Variants in PCCB observed in about 807,000 individuals in gnomAD.
The protein encoded by PCCB is propionyl-CoA carboxylase beta chain, mitochondrial.
In PCCB, 43 loss-of-function variants were observed where a neutral mutation model predicts 60.7. That is an observed-to-expected ratio of 0.71 (90% CI 0.55 to 0.91). The LOEUF (loss-of-function observed/expected upper bound fraction) is 0.91, where lower values mean the gene tolerates loss of function less well. Among genes scored for constraint, PCCB ranks in the 40% least tolerant of loss-of-function variants. The pLI is 0.00. For synonymous variants in PCCB, 276 were observed against 255.9 expected (o/e 1.08, Z -0.75); for missense variants, 766 against 702.8 (o/e 1.09, Z -1.02).
At chr3:136,270,840 G>A (rs931518307) in intron 5 of PCCB, among the ~76,000 whole-genome samples, 10 of 152,106 alleles carry the variant, frequency 6.6e-5, no homozygotes, top group Non-Finnish European at 1.5e-4. Flanking sequence ...CGTTTTTGTA[G>A]GAGTAAGGTG....
At chr3:136,298,666 C>G (rs1373889758) in intron 8 of PCCB, among the ~76,000 whole-genome samples, 1 of 152,164 alleles carries the variant, frequency 6.6e-6, no homozygotes, top group African/African-American at 2.4e-5. Flanking sequence ...GAAGACCTTT[C>G]CTTTTGCTGT....
At chr3:136,301,528 G>A (rs1038054153) in intron 9 of PCCB, among the ~76,000 whole-genome samples, 2 of 152,120 alleles carry the variant, frequency 1.3e-5, no homozygotes. Context: ...AGGTTGGACT[G>A]TGTGTGTGGA....
rs1329140498 is a variant in PCCB at position 136,304,702 on chromosome 3, C to CT, written c.966+3599dup. On this transcript the variant is annotated intron_variant, in intron 9 of 14. Coordinates refer to ENST00000251654, the MANE Select transcript of PCCB (RefSeq NM_000532.5). ...GCCCGGCTGGCTTTCCAATTCTTTT[C>CT]TTTTTTTTGAGATGGAGTCTCACTC... Among the ~76,000 whole-genome samples the CT allele has an allele frequency of 4.1e-5, 4 of 97,690 alleles. 1 individual carries two copies. Among genetic ancestry groups the CT allele is most frequent in the Non-Finnish European group, 9.0e-5 (4 of 44,582 alleles). The allele number at this position is 97,690 out of a possible 152,430, so 64.1% of individuals were successfully genotyped here.
At chr3:136,322,866 A>G (rs1454031737) in intron 10 of PCCB, among the ~76,000 whole-genome samples, 1 of 152,172 alleles carries the variant, frequency 6.6e-6, no homozygotes, top group African/African-American at 2.4e-5. Context: ...ACAGTTTGCC[A>G]GATATAGAAT....
At chr3:136,252,303 G>C (rs1433460121) in intron 1 of PCCB, 1 of 455,104 alleles carries the variant, frequency 2.2e-6, no homozygotes, top group Non-Finnish European at 4.4e-6. Context: ...TGTTGCCCAG[G>C]CTAGAGTGCA....
Position 136,298,022 on chromosome 3 carries a change from G to GCC in PCCB, c.837_838dup (p.Leu280ProfsTer2), listed in dbSNP as rs769968548. On this transcript the variant is annotated frameshift_variant, in exon 8 of 15. Transcript: ENST00000251654. LOFTEE classifies it high-confidence loss of function. Reference sequence around the variant, plus strand: ...ATCTCCGGGATTTCTTCAACTACCTGCCCCTGAGCAGTCAGGACCCGGCTC... The same window carrying GCC: ...ATCTCCGGGATTTCTTCAACTACCTGCCCCCCTGAGCAGTCAGGACCCGGCTC... 6.2e-7 allele frequency: 1 copy of GCC among 1,614,088 alleles called. No homozygotes were observed. Among genetic ancestry groups the GCC allele is most frequent in the East Asian group, 2.2e-5 (1 of 44,878 alleles).
At chr3:136,265,107 T>C (rs1419800473) in intron 5 of PCCB, among the ~76,000 whole-genome samples, 1 of 152,090 alleles carries the variant, frequency 6.6e-6, no homozygotes, top group Non-Finnish European at 1.5e-5. Flanking sequence ...GGCAGGGAAT[T>C]GCTCGAACCT....
In PCCB at chr3:136,285,046, C is replaced by G. The variant is rs554267777; in HGVS notation, c.654+1099C>G. On this transcript the variant is annotated intron_variant, in intron 6 of 14. Coordinates refer to ENST00000251654, the MANE Select transcript of PCCB (RefSeq NM_000532.5). ...AAGGCAGCAGTGAGCCAAGATCGTG[C>G]CACTGCACTCTAGCTCTGGGTGACA... 6.7e-5 allele frequency among the ~76,000 whole-genome samples: 10 copies of G among 148,718 alleles called. No homozygotes were observed. The South Asian group carries it at 2.1e-3, about 32-fold the overall frequency.
intron 9 of PCCB, among the ~76,000 whole-genome samples, chr3:136,309,057 G>A (rs572567444): frequency 6.6e-6 from 1 of 152,140 alleles, no homozygotes; most frequent in South Asian, 2.1e-4. Flanking sequence ...GAGCTCAGGA[G>A]TTTGAGACCA....
intron 5 of PCCB, among the ~76,000 whole-genome samples, chr3:136,269,404 T>C (rs1942125969): frequency 6.6e-6 from 1 of 152,250 alleles, no homozygotes; most frequent in Admixed American, 6.5e-5. Context: ...TGAGGTTGTG[T>C]ATTAGCTTGA....
rs770279302 is a variant in PCCB, at chr3:136,327,209, C to T, written c.1253C>T (p.Ala418Val). The T allele has an allele frequency of 1.2e-6, 2 of 1,614,172 alleles. No individual in the cohort carries two copies. The highest frequency in any genetic ancestry group is 1.7e-6 in the Non-Finnish European group (2 of 1,180,024). Residue 418 changes from alanine to valine, a missense_variant, in exon 12 of 15, where the codon GCA becomes GTA. Physicochemically the swap from Ala to Val is moderately conservative, Grantham distance 64. Coordinates refer to ENST00000251654, the MANE Select transcript of PCCB (RefSeq NM_000532.5). ...CGGCATGGTGCCAAGCTTCTCTACG[C>T]ATTTGCTGAGGCAACTGTACCCAAA... is the stretch of plus-strand genomic sequence containing the variant. ...IIRHGAKLLY[A>V]FAEATVPKVT... is the part of the protein sequence containing the mutation.
chr3:136,292,233 CTAGTT>C lies in PCCB; in HGVS notation c.655-1521_655-1517del, dbSNP rs1933726305. On this transcript the variant is annotated intron_variant, in intron 6 of 14. Transcript: ENST00000251654. ...ACTAGAAACCTGAAATTTTGTGTCT[CTAGTT>C]TTTTTTTTTTTTAACAGTTTCAAAT... Among the ~76,000 whole-genome samples the C allele has an allele frequency of 8.6e-5, 12 of 140,040 alleles. No homozygotes were observed. The South Asian group carries it at 2.8e-3, about 32-fold the overall frequency. 91.9% of individuals were successfully genotyped at this position (140,040 alleles called of 152,430 possible). A position where few individuals can be genotyped will look rare whatever the true frequency, so the allele number is the denominator to read the frequency against.
chr3:136,259,171 A>G, intron 3 of PCCB: 1 of 1,463,992 alleles, frequency 6.8e-7, no homozygotes, highest in Non-Finnish European at 9.0e-7. Flanking sequence ...TTCTTTTTAA[A>G]ACAGCAAATA....
In PCCB at chr3:136,299,875, CAT is replaced by C. The variant is rs560448895; in HGVS notation, c.885-1154_885-1153del. The stretch of plus-strand genomic sequence containing the variant: ...GCATGCATATGTATGTATATGCATG[CAT>C]GTGTATGTACGTATATGCGTACATA... On this transcript the variant is annotated intron_variant, in intron 8 of 14. Coordinates refer to ENST00000251654, the MANE Select transcript of PCCB (RefSeq NM_000532.5). 4.6e-5 allele frequency among the ~76,000 whole-genome samples: 7 copies of C among 151,216 alleles called. 1 individual carries two copies. In the East Asian group the frequency reaches 1.4e-3, roughly 30 times the overall value.
chr3:136,299,806 A>G (rs887480956), intron 8 of PCCB, among the ~76,000 whole-genome samples: 2 of 151,096 alleles, frequency 1.3e-5, no homozygotes, highest in Non-Finnish European at 2.9e-5. Context: ...ATGTGTATGT[A>G]TAGGTATGCA....
chr3:136,328,616 T>C, intron 13 of PCCB, 142 bp from the exon 14 acceptor site: 2 of 702,634 alleles, frequency 2.8e-6, no homozygotes, highest in Admixed American at 2.0e-5. Context: ...CCTCCCTCTA[T>C]GCTATGGCCT....
At chr3:136,324,468 CTTCTT>C (rs1576358217) in intron 10 of PCCB, among the ~76,000 whole-genome samples, 1 of 152,176 alleles carries the variant, frequency 6.6e-6, no homozygotes, top group Non-Finnish European at 1.5e-5. Flanking sequence ...TTTCATTCAA[CTTCTT>C]TTCTTATTTC....
At chr3:136,272,036 C>T (rs543146485) in intron 5 of PCCB, among the ~76,000 whole-genome samples, 3 of 152,166 alleles carry the variant, frequency 2.0e-5, no homozygotes, top group African/African-American at 7.2e-5. Context: ...GTATATCCCT[C>T]CTATGCCTAG....
chr3:136,262,508 G>C (rs1423801605), intron 5 of PCCB, among the ~76,000 whole-genome samples: 2 of 152,116 alleles, frequency 1.3e-5, no homozygotes, highest in African/African-American at 2.4e-5. Flanking sequence ...AATCACCCCA[G>C]ATCCTACCAT....
Sources: allele counts gnomAD v4.1 joint callset (sites outside exome capture counted in the v4.1 genomes callset), GRCh38; gene constraint gnomAD v4.1.1; transcripts MANE v1.5; gene names NCBI Gene and HGNC (gene_info 2026-07-23, HGNC 2026-07-21).